The following SPAST variants were observed in gnomAD, a reference collection of about 807,000 sequenced individuals.
The protein encoded by SPAST is spastin, also known as spastic paraplegia 4 (autosomal dominant; spastin).
Under a neutral mutation model 76.6 loss-of-function variants are expected in SPAST, and 30 were observed. The observed-to-expected ratio is 0.39, with a 90% CI of 0.29 to 0.53. The LOEUF is 0.53. Ranked by LOEUF, SPAST falls within the 20% of genes least tolerant of loss-of-function variation. The pLI is 0.68. For synonymous variants in SPAST, 305 were observed against 281.0 expected (o/e 1.09, Z -0.86); for missense variants, 717 against 770.5 (o/e 0.93, Z 0.82).
rs770178367 is a variant in SPAST at position 32,087,603 on chromosome 2, A to G, written c.502+25A>G. On this transcript the variant is annotated intron_variant, in intron 2 of 16. Transcript: ENST00000315285. ...GGTAAGATTGTATTTGTTTATAGCC[A>G]TCCCAAATTATGATATATTCACATG... is the stretch of plus-strand genomic sequence containing the variant. 5 of 1,168,172 alleles carry G rather than the reference A, an allele frequency of 4.3e-6. No homozygotes were observed. In the Admixed American group the frequency reaches 5.4e-5, roughly 13 times the overall value. 72.4% of individuals were successfully genotyped at this position (1,168,172 alleles called of 1,614,324 possible).
At position 32,138,197 on chromosome 2, in the gene SPAST, A is replaced by C. The variant is rs1447370081; in HGVS notation, c.1493+1009A>C. Among the ~76,000 whole-genome samples, 5 of 152,226 alleles carry C rather than the reference A, an allele frequency of 3.3e-5. No individual in the cohort carries two copies. The East Asian group carries it at 9.6e-4, about 29-fold the overall frequency. On this transcript the variant is annotated intron_variant, in intron 12 of 16. Coordinates refer to ENST00000315285, the MANE Select transcript of SPAST (RefSeq NM_014946.4). Reference sequence around the variant, plus strand: ...TACCCAGTAATGGGATTTCAGGGTCAAAGGTAGATTTGTTTTATGTTTTTT... The same window carrying C: ...TACCCAGTAATGGGATTTCAGGGTCCAAGGTAGATTTGTTTTATGTTTTTT...
intron 2 of SPAST, 111 bp downstream of exon 2, chr2:32,087,689 C>CT: frequency 1.8e-5 from 5 of 279,570 alleles, no homozygotes; most frequent in South Asian, 1.5e-4. Flanking sequence ...CTTTTCTTTT[C>CT]TTTTCTTTTT....
intron 2 of SPAST, among the ~76,000 whole-genome samples, chr2:32,089,161 G>C (rs1358862487): frequency 6.7e-6 from 1 of 150,296 alleles, no homozygotes; most frequent in African/African-American, 2.5e-5. Flanking sequence ...TCCTGGGGCT[G>C]AAGTGATCCT....
At chr2:32,125,789 G>GTGTT (rs765215958) in intron 7 of SPAST, among the ~76,000 whole-genome samples, 13 of 151,904 alleles carry the variant, frequency 8.6e-5, no homozygotes, top group East Asian at 3.9e-4. Context: ...ATCAGTTCCT[G>GTGTT]TGTTTGTTTG....
chr2:32,137,203 A>G lies in SPAST; in HGVS notation c.1493+15A>G, dbSNP rs771522044. 5 of 1,520,150 alleles carry G rather than the reference A, an allele frequency of 3.3e-6. No individual in the cohort carries two copies. The South Asian group carries it at 3.4e-5, about 10-fold the overall frequency. The allele number at this position is 1,520,150 out of a possible 1,614,324, so 94.2% of individuals were successfully genotyped here. A position where few individuals can be genotyped will look rare whatever the true frequency, so the allele number is the denominator to read the frequency against. ...GCTGTTCTCAGGTAGGGAGATTTATATGGAAATACATGCATTTATTACAGA... is the reference window on the plus strand; with the variant it reads ...GCTGTTCTCAGGTAGGGAGATTTATGTGGAAATACATGCATTTATTACAGA... On this transcript the variant is annotated intron_variant, in intron 12 of 16. Transcript: ENST00000315285.
intron 12 of SPAST, among the ~76,000 whole-genome samples, chr2:32,139,082 G>A (rs1260977584): frequency 6.6e-6 from 1 of 152,132 alleles, no homozygotes; most frequent in Admixed American, 6.5e-5. Flanking sequence ...TTAAAGTCAG[G>A]TAACGTGATA....
Position 32,083,075 on chromosome 2 carries a change from G to A in SPAST, c.416-4417G>A, listed in dbSNP as rs543997319. Among the ~76,000 whole-genome samples, 8 of 152,044 alleles carry A rather than the reference G, an allele frequency of 5.3e-5. No homozygotes were observed. In the East Asian group the frequency reaches 1.5e-3, roughly 29 times the overall value. ...CAACCTCTGCCTCCCCGGTTCAAGT[G>A]ATTCTCCTGCCTCAGCCTCCCAAGT... On this transcript the variant is annotated intron_variant, in intron 1 of 16. Coordinates refer to ENST00000315285, the MANE Select transcript of SPAST (RefSeq NM_014946.4).
intron 4 of SPAST, among the ~76,000 whole-genome samples, chr2:32,108,567 G>A (rs1678411491): frequency 6.6e-6 from 1 of 151,724 alleles, no homozygotes; most frequent in Non-Finnish European, 1.5e-5. Flanking sequence ...CCAGGCTGGA[G>A]TACAGCTGAA....
intron 7 of SPAST, among the ~76,000 whole-genome samples, chr2:32,123,112 A>G (rs921689109): frequency 6.6e-6 from 1 of 152,026 alleles, no homozygotes; most frequent in Non-Finnish European, 1.5e-5. Context: ...AAATACAAAA[A>G]TTAGCTGGGC....
intron 1 of SPAST, among the ~76,000 whole-genome samples, chr2:32,074,556 A>T (rs1372280308): frequency 6.7e-6 from 1 of 148,718 alleles, no homozygotes; most frequent in Non-Finnish European, 1.5e-5. Flanking sequence ...CCCAGGCTGG[A>T]GTTCAGTGGG....
At position 32,063,914 on chromosome 2, in the gene SPAST, G is replaced by C. The variant is rs1676390484; in HGVS notation, c.83G>C (p.Cys28Ser). The stretch of plus-strand genomic sequence containing the variant: ...GTGCCTCCCAGGCCTCCGCCCCCTT[G>C]CCTGGCCCCCGCCCCTCCCGCCGCC... ...NPVPPRPPPP[C>S]LAPAPPAAGP... Residue 28 changes from cysteine (C) to serine (S), a missense_variant, in exon 1 of 17, where the codon TGC (cysteine) becomes TCC (serine). Transcript: ENST00000315285. 2 of 1,584,644 alleles carry C rather than the reference G, an allele frequency of 1.3e-6. No individual in the cohort carries two copies. The highest frequency in any genetic ancestry group is 1.7e-6 in the Non-Finnish European group (2 of 1,165,886).
intron 7 of SPAST, among the ~76,000 whole-genome samples, chr2:32,122,999 C>A (rs973733881): frequency 6.6e-6 from 1 of 152,204 alleles, no homozygotes; most frequent in African/African-American, 2.4e-5. Context: ...CAGTGGCTCA[C>A]ACCTGTAATC....
intron 1 of SPAST, among the ~76,000 whole-genome samples, chr2:32,064,519 C>G (rs1056051810): frequency 6.6e-6 from 1 of 152,216 alleles, no homozygotes; most frequent in Non-Finnish European, 1.5e-5. Context: ...ATGAGACACC[C>G]AGACGTGTTG....
chr2:32,070,632 T>C (rs527381800), intron 1 of SPAST, among the ~76,000 whole-genome samples: 1 of 152,222 alleles, frequency 6.6e-6, no homozygotes, highest in African/African-American at 2.4e-5. Flanking sequence ...TACGTATATA[T>C]GTACATACAC....
chr2:32,064,077 C>A lies in SPAST; in HGVS notation c.246C>A (p.Phe82Leu). 6.2e-7 allele frequency: 1 copy of A among 1,612,332 alleles called. No individual in the cohort carries two copies. The highest frequency in any genetic ancestry group is 8.5e-7 in the Non-Finnish European group (1 of 1,179,208). ...GLLFVWLCQR[F>L]SRALMAAKRS... Reference sequence around the variant, plus strand: ...TCTTCGTGTGGCTCTGCCAGCGCTTCTCCCGCGCCCTCATGGCAGCCAAGA... The same window carrying A: ...TCTTCGTGTGGCTCTGCCAGCGCTTATCCCGCGCCCTCATGGCAGCCAAGA... Residue 82 changes from phenylalanine to leucine, a missense_variant, in exon 1 of 17, where the codon TTC becomes TTA. Coordinates refer to ENST00000315285, the MANE Select transcript of SPAST (RefSeq NM_014946.4).
At chr2:32,069,551 C>CTTTTTT (rs36023742) in intron 1 of SPAST, among the ~76,000 whole-genome samples, 9 of 139,630 alleles carry the variant, frequency 6.4e-5, no homozygotes, top group African/African-American at 8.0e-5. Context: ...CATGACTTAT[C>CTTTTTT]TTTTTTTTTT....
At chr2:32,146,851 C>CAAAAAAAA (rs397984237) in intron 15 of SPAST, among the ~76,000 whole-genome samples, 1 of 19,238 alleles carries the variant, frequency 5.2e-5, no homozygotes, top group Non-Finnish European at 1.1e-4. Context: ...GACTCTGTCT[C>CAAAAAAAA]AAAAAAAAAA....
chr2:32,085,205 C>CTTTT (rs11399879), intron 1 of SPAST, among the ~76,000 whole-genome samples: 181 of 119,646 alleles, frequency 1.5e-3, no homozygotes, highest in East Asian at 3.4e-3. Flanking sequence ...TCTTCTTCTT[C>CTTTT]TTTTTTTTTT....
chr2:32,140,412 C>A (rs1196982604), intron 12 of SPAST, among the ~76,000 whole-genome samples: 1 of 152,080 alleles, frequency 6.6e-6, no homozygotes, highest in Non-Finnish European at 1.5e-5. Flanking sequence ...CACTTGAGGC[C>A]AGGAGTTTGA....
Sources: allele counts gnomAD v4.1 joint callset (sites outside exome capture counted in the v4.1 genomes callset), GRCh38; gene constraint gnomAD v4.1.1; transcripts MANE v1.5; gene names NCBI Gene and HGNC (gene_info 2026-07-23, HGNC 2026-07-21).